PCDHA11: variants seen among roughly 807,000 people sequenced by gnomAD.
PCDHA11 encodes the protein protocadherin alpha-11.
A neutral mutation model predicts 70.3 loss-of-function variants in PCDHA11; 61 were observed. The observed-to-expected ratio is 0.87, with a 90% CI of 0.71 to 1.07. PCDHA11 has a LOEUF of 1.07. Ranked by LOEUF, PCDHA11 falls within the 50% of genes least tolerant of loss-of-function variation. The pLI, the probability that PCDHA11 is intolerant of heterozygous loss-of-function variation, is 0.00. For missense variants in PCDHA11, 1,324 were observed against 1,237.5 expected (o/e 1.07, Z -1.05); for synonymous variants, 633 against 555.1 (o/e 1.14, Z -1.97).
At chr5:140,930,778 T>G (rs891094443) in intron 1 of PCDHA11, among the ~76,000 whole-genome samples, 1 of 152,200 alleles carries the variant, frequency 6.6e-6, no homozygotes, top group African/African-American at 2.4e-5. Flanking sequence ...CTTAATATTT[T>G]CACAATATAA....
intron 1 of PCDHA11, among the ~76,000 whole-genome samples, chr5:140,972,821 G>A (rs372160406): frequency 3.3e-5 from 5 of 152,010 alleles, no homozygotes; most frequent in East Asian, 3.9e-4. Flanking sequence ...GCGCCACCAC[G>A]CCTGGCTAAT....
chr5:140,890,097 C>G (rs1554184163), intron 1 of PCDHA11, among the ~76,000 whole-genome samples: 1 of 152,136 alleles, frequency 6.6e-6, no homozygotes, highest in African/African-American at 2.4e-5. Context: ...AATTTATTCC[C>G]AACTCTGGAT....
At position 140,934,119 on chromosome 5, in the gene PCDHA11, C is replaced by A. The variant is rs1339301991; in HGVS notation, c.2392-44830C>A. Among the ~76,000 whole-genome samples, 6 of 152,170 alleles carry A rather than the reference C, an allele frequency of 3.9e-5. No individual in the cohort carries two copies. In the East Asian group the frequency reaches 1.2e-3, roughly 29 times the overall value. ...GCTTTCTATTTTATTAATTTTCATA[C>A]TTTATTAATTTATTTCCTTCCTTAT... On this transcript the variant is annotated intron_variant, in intron 1 of 3. Transcript: ENST00000398640.
intron 1 of PCDHA11, among the ~76,000 whole-genome samples, chr5:140,978,316 A>AC (rs1370469532): frequency 5.4e-4 from 83 of 152,358 alleles, no homozygotes; most frequent in African/African-American, 1.9e-3. Context: ...AGGAGCAGGA[A>AC]CAAGTACAAG....
chr5:140,936,337 C>G (rs1226552278), intron 1 of PCDHA11, among the ~76,000 whole-genome samples: 17 of 152,160 alleles, frequency 1.1e-4, no homozygotes, highest in Non-Finnish European at 1.5e-5. Context: ...TTTTCTCTAT[C>G]TGCATATATG....
intron 1 of PCDHA11, chr5:140,968,266 G>A: frequency 6.2e-7 from 1 of 1,614,080 alleles, no homozygotes; most frequent in Non-Finnish European, 8.5e-7. Context: ...ATGAAAAGGA[G>A]AATGCAGAGG....
At chr5:140,963,693 A>G (rs782642148) in intron 1 of PCDHA11, among the ~76,000 whole-genome samples, 15 of 152,210 alleles carry the variant, frequency 9.9e-5, no homozygotes, top group Non-Finnish European at 2.2e-4. Context: ...TCCGTGTTTG[A>G]TATCTAAAGG....
intron 1 of PCDHA11, chr5:140,926,324 G>A (rs574950381): frequency 6.6e-6 from 1 of 152,268 alleles, no homozygotes; most frequent in Non-Finnish European, 1.5e-5. Flanking sequence ...GTGCGCCGGG[G>A]TCAGAGCGCC....
chr5:140,989,128 G>A (rs2097330831), intron 3 of PCDHA11: 1 of 152,178 alleles, frequency 6.6e-6, no homozygotes, highest in Non-Finnish European at 1.5e-5. Flanking sequence ...AGAAAAATAA[G>A]ACACTTTATC....
chr5:140,970,792 C>A (rs1554232742), intron 1 of PCDHA11, among the ~76,000 whole-genome samples: 2 of 152,036 alleles, frequency 1.3e-5, no homozygotes, highest in African/African-American at 4.8e-5. Flanking sequence ...TATGTAATAT[C>A]CATATTGTTA....
intron 1 of PCDHA11, among the ~76,000 whole-genome samples, chr5:140,974,059 G>A (rs1233997260): frequency 6.6e-6 from 1 of 152,180 alleles, no homozygotes; most frequent in Non-Finnish European, 1.5e-5. Context: ...AATATTTGGA[G>A]CAGTATAATC....
intron 1 of PCDHA11, among the ~76,000 whole-genome samples, chr5:140,937,928 G>T (rs997116789): frequency 4.0e-5 from 6 of 148,604 alleles, no homozygotes; most frequent in Non-Finnish European, 8.9e-5. Context: ...AAAAAAAAAA[G>T]TTTAATTTGA....
rs868946985 is a variant in PCDHA11, at chr5:140,985,825, T to C, written c.2539+3262T>C. ...CACGATCTCAGCTCACAACAAGCTC[T>C]GCCTCCCGGGTTCATGCCACTCTCC... On this transcript the variant is annotated intron_variant, in intron 3 of 3. Transcript: ENST00000398640. 4.1e-4 allele frequency among the ~76,000 whole-genome samples: 61 copies of C among 148,858 alleles called. 1 individual carries two copies. The highest frequency in any genetic ancestry group is 2.7e-4 in the Admixed American group (4 of 14,688).
intron 1 of PCDHA11, among the ~76,000 whole-genome samples, chr5:140,941,301 TTTC>T (rs1554214297): frequency 1.4e-5 from 2 of 143,748 alleles, no homozygotes; most frequent in African/African-American, 2.6e-5. Flanking sequence ...TCTTTCTTTC[TTTC>T]TTTTTCTTCT....
chr5:140,924,436 A>T (rs2153572390), intron 1 of PCDHA11, among the ~76,000 whole-genome samples: 1 of 152,318 alleles, frequency 6.6e-6, no homozygotes, highest in East Asian at 1.9e-4. Context: ...CCTAGAAGAG[A>T]TAACGAATGG....
chr5:140,987,363 T>C (rs1269772618), intron 3 of PCDHA11, among the ~76,000 whole-genome samples: 1 of 152,218 alleles, frequency 6.6e-6, no homozygotes, highest in Non-Finnish European at 1.5e-5. Flanking sequence ...GGTTGTCTTA[T>C]ATCATTACAG....
chr5:140,911,885 A>T (rs1242639819), intron 1 of PCDHA11, among the ~76,000 whole-genome samples: 1 of 152,216 alleles, frequency 6.6e-6, no homozygotes, highest in Non-Finnish European at 1.5e-5. Flanking sequence ...TCCTGGGACC[A>T]AAATCTGTAT....
chr5:140,882,777 A>G (rs2059309071), intron 1 of PCDHA11: 1 of 1,614,096 alleles, frequency 6.2e-7, no homozygotes, highest in Non-Finnish European at 8.5e-7. Context: ...GCATTGACCT[A>G]CCGACTGGAT....
intron 1 of PCDHA11, among the ~76,000 whole-genome samples, chr5:140,902,554 A>AT (rs1414683182): frequency 6.6e-6 from 1 of 151,896 alleles, no homozygotes; most frequent in East Asian, 1.9e-4. Context: ...CTATACCCAG[A>AT]TTTTTGAGGG....
Sources: allele counts gnomAD v4.1 joint callset (sites outside exome capture counted in the v4.1 genomes callset), GRCh38; gene constraint gnomAD v4.1.1; transcripts MANE v1.5; gene names NCBI Gene and HGNC (gene_info 2026-07-23, HGNC 2026-07-21).